Variants in PDZD7 observed in about 807,000 individuals in gnomAD.
PDZD7 encodes PDZ domain containing 7.
In PDZD7, 72 loss-of-function variants were observed where a neutral mutation model predicts 84.7. The observed-to-expected ratio is 0.85, with a 90% CI of 0.70 to 1.03. PDZD7 has a LOEUF of 1.03. Ranked by LOEUF, PDZD7 falls within the 50% of genes least tolerant of loss-of-function variation. PDZD7 has a pLI of 0.00. For synonymous variants in PDZD7, 594 were observed against 580.7 expected (o/e 1.02, Z -0.33); for missense variants, 1,490 against 1,412.9 (o/e 1.05, Z -0.87).
intron 6 of PDZD7, among the ~76,000 whole-genome samples, chr10:101,021,064 C>T (rs142259156): frequency 1.3e-5 from 2 of 152,186 alleles, no homozygotes; most frequent in African/African-American, 4.8e-5. Context: ...GTGGCCGGCA[C>T]ATAGTGGGTG....
intron 4 of PDZD7, among the ~76,000 whole-genome samples, chr10:101,022,640 T>C (rs1324087956): frequency 6.6e-6 from 1 of 151,564 alleles, no homozygotes; most frequent in East Asian, 1.9e-4. Flanking sequence ...TGTCCACCCA[T>C]GCTGGAGTGC....
In PDZD7 at chr10:101,023,575, C is replaced by G. The variant is rs146955595; in HGVS notation, c.403G>C (p.Glu135Gln). The G allele has an allele frequency of 6.2e-7, 1 of 1,613,698 alleles. No individual in the cohort carries two copies. The highest frequency in any genetic ancestry group is 1.3e-5 in the African/African-American group (1 of 75,064). Residue 135 changes from glutamate to glutamine, a missense_variant, in exon 4 of 17, where the codon GAG (glutamate) becomes CAG (glutamine). Glu to Gln is a conservative substitution (Grantham distance 29, BLOSUM62 2). Coordinates refer to ENST00000619208, the MANE Select transcript of PDZD7 (RefSeq NM_001195263.2). ...CTCTCCAGGCTCAGCCCATTCACCT[C>G]CGTGATCTTGTCCCCCACGCACAGG... ...AGLCVGDKIT[E>Q]VNGLSLESTT... is the part of the protein sequence containing the mutation.
chr10:101,019,577 CTCCTCCTCCTCT>C (rs1397189982), intron 7 of PDZD7, among the ~76,000 whole-genome samples: 11 of 112,662 alleles, frequency 9.8e-5, no homozygotes, highest in African/African-American at 4.9e-4. Context: ...CCTCCTCCTC[CTCCTCCTCCTCT>C]TCTTCTTCTT....
chr10:101,009,444 G>T (rs898296563), intron 15 of PDZD7, 94 bp from the exon 16 acceptor site: 6 of 968,778 alleles, frequency 6.2e-6, no homozygotes, highest in Non-Finnish European at 9.5e-6. Flanking sequence ...CAAATCCAAG[G>T]CCCCAACTTC....
In PDZD7 at chr10:101,010,307, T is replaced by C; in HGVS notation, c.2582A>G (p.Lys861Arg). 6.5e-7 allele frequency: 1 copy of C among 1,535,408 alleles called. No individual in the cohort carries two copies. Among genetic ancestry groups the C allele is most frequent in the Non-Finnish European group, 8.7e-7 (1 of 1,146,150 alleles). ...CTTCATCTTGGACAGTGTCACTGTC[T>C]TCAGCTCGCCACTGGGGTTCTTCAT... Reference protein sequence around the residue: ...AAMKNPSGELKTVTLSKMKQS... With the variant: ...AAMKNPSGELRTVTLSKMKQS... Residue 861 changes from lysine (K) to arginine (R), a missense_variant, in exon 15 of 17, where the codon AAG becomes AGG. Coordinates refer to ENST00000619208, the MANE Select transcript of PDZD7 (RefSeq NM_001195263.2).
Position 101,018,435 on chromosome 10 carries a change from G to C in PDZD7, c.1325-139C>G, listed in dbSNP as rs189669997. On this transcript the variant is annotated intron_variant, in intron 8 of 16. Coordinates refer to ENST00000619208, the MANE Select transcript of PDZD7 (RefSeq NM_001195263.2). ...TGCAGCTACGCCGGGGTGAGAGTGCGGTTCCTCTTCCGACTTTCTGACCCT... is the reference window on the plus strand; with the variant it reads ...TGCAGCTACGCCGGGGTGAGAGTGCCGTTCCTCTTCCGACTTTCTGACCCT... 5.4e-6 allele frequency: 5 copies of C among 927,602 alleles called. No homozygotes were observed. In the East Asian group the frequency reaches 1.3e-4, roughly 24 times the overall value. 57.5% of individuals were successfully genotyped at this position (927,602 alleles called of 1,614,324 possible).
intron 10 of PDZD7, 128 bp from the exon 11 acceptor site, chr10:101,015,939 A>C: frequency 1.9e-6 from 2 of 1,044,984 alleles, no homozygotes; most frequent in Non-Finnish European, 2.7e-6. Context: ...GCTCCCCACC[A>C]TGGTAGCCCA....
At chr10:101,016,563 T>C in intron 9 of PDZD7, 136 bp from the exon 10 acceptor site, 1 of 871,580 alleles carries the variant, frequency 1.1e-6, no homozygotes, top group Admixed American at 2.4e-5. Flanking sequence ...GGCCTGGCCC[T>C]GAGGGGCTTG....
rs2133998638 is a variant in PDZD7, at chr10:101,010,538, C to CTGCGGA, written c.2350_2351insTCCGCA (p.Arg783_Ser784insIleArg). 6.6e-7 allele frequency: 1 copy of CTGCGGA among 1,521,062 alleles called. No individual in the cohort carries two copies. The highest frequency in any genetic ancestry group is 8.8e-7 in the Non-Finnish European group (1 of 1,134,834). 94.2% of individuals were successfully genotyped at this position (1,521,062 alleles called of 1,614,324 possible). On this transcript the variant is annotated inframe_insertion, in exon 15 of 17. Transcript: ENST00000619208. ...TGGAGACTTGCCTTGACCCCGGCTG[C>CTGCGGA]TGCGGCTGCGGCTGCGGCTACGGCT...
chr10:101,028,309 C>A (rs1937838624), intron 2 of PDZD7, among the ~76,000 whole-genome samples: 1 of 152,148 alleles, frequency 6.6e-6, no homozygotes, highest in African/African-American at 2.4e-5. Context: ...CAGTATAGGC[C>A]AGGCATGGTG....
chr10:101,012,022 A>G lies in PDZD7; in HGVS notation c.1842-6T>C. 6.5e-7 allele frequency: 1 copy of G among 1,548,670 alleles called. No homozygotes were observed. Among genetic ancestry groups the G allele is most frequent in the East Asian group, 2.4e-5 (1 of 40,878 alleles). ...CTGTGGGGGCCACCACACTCCTGGG[A>G]GAGGGCGAGAGACAGCAGGGGTGGG... On this transcript the variant is annotated splice_polypyrimidine_tract_variant and splice_region_variant and intron_variant, in intron 12 of 16. Coordinates refer to ENST00000619208, the MANE Select transcript of PDZD7 (RefSeq NM_001195263.2).
chr10:101,014,018 T>C (rs1335043875), intron 11 of PDZD7, among the ~76,000 whole-genome samples: 1 of 143,894 alleles, frequency 6.9e-6, no homozygotes, highest in African/African-American at 2.7e-5. Context: ...CCCAGCTATT[T>C]TTTTTTTTTT....
At position 101,008,095 on chromosome 10, in the gene PDZD7, C is replaced by G. The variant is rs1219379042; in HGVS notation, c.*372G>C. Reference sequence around the variant, plus strand: ...GGTTGAGGAATGGATGCATTGACCCCTTCAGGGCCCTGTCTGAGAGTCTGT... The same window carrying G: ...GGTTGAGGAATGGATGCATTGACCCGTTCAGGGCCCTGTCTGAGAGTCTGT... On this transcript the variant is annotated 3_prime_UTR_variant, in exon 17 of 17. Transcript: ENST00000619208. 1 of 288,118 alleles carries G rather than the reference C, an allele frequency of 3.5e-6. No individual in the cohort carries two copies. The allele number at this position is 288,118 out of a possible 1,614,324, so 17.8% of individuals were successfully genotyped here. A position where few individuals can be genotyped will look rare whatever the true frequency, so the allele number is the denominator to read the frequency against.
chr10:101,016,431 TGAA>T lies in PDZD7; in HGVS notation c.1523-7_1523-5del, dbSNP rs1428954066. 2.6e-6 allele frequency: 4 copies of T among 1,550,450 alleles called. No homozygotes were observed. The East Asian group carries it at 9.8e-5, about 38-fold the overall frequency. On this transcript the variant is annotated splice_polypyrimidine_tract_variant and splice_region_variant and intron_variant, in intron 9 of 16. Coordinates refer to ENST00000619208, the MANE Select transcript of PDZD7 (RefSeq NM_001195263.2). Reference sequence around the variant, plus strand: ...TGTACCGGGCCCACGCCCCCTGCTATGAAGAAGAAAGAGGCTCAGCTGCAGGCC... The same window carrying T: ...TGTACCGGGCCCACGCCCCCTGCTATGAAGAAAGAGGCTCAGCTGCAGGCC...
At chr10:101,015,883 G>C in intron 10 of PDZD7, 72 bp from the exon 11 acceptor site, 1 of 1,465,936 alleles carries the variant, frequency 6.8e-7, no homozygotes, top group East Asian at 2.5e-5. Context: ...GAATTGGCCA[G>C]CTGAGAGCCC....
intron 2 of PDZD7, among the ~76,000 whole-genome samples, chr10:101,027,213 A>G (rs1447692952): frequency 4.6e-5 from 7 of 152,084 alleles, no homozygotes; most frequent in Admixed American, 3.9e-4. Flanking sequence ...ACCATGCCCT[A>G]TAAGGCCCTG....
At chr10:101,025,132 C>T (rs764115153) in intron 2 of PDZD7, among the ~76,000 whole-genome samples, 1 of 152,232 alleles carries the variant, frequency 6.6e-6, no homozygotes, top group Non-Finnish European at 1.5e-5. Flanking sequence ...CTTGCTCACA[C>T]AGTGGAATTA....
Position 101,008,865 on chromosome 10 carries a change from G to A in PDZD7, c.2719-15C>T, listed in dbSNP as rs1365872978. ...TCGAAGCCAGCCTAGGGTGGGGTGA[G>A]AGAGTCACATCCCTCCCTCCTCATG... On this transcript the variant is annotated splice_polypyrimidine_tract_variant and intron_variant, in intron 16 of 16. Transcript: ENST00000619208. 2.7e-6 allele frequency: 4 copies of A among 1,475,474 alleles called. No individual in the cohort carries two copies. Among genetic ancestry groups the A allele is most frequent in the Non-Finnish European group, 3.6e-6 (4 of 1,113,884 alleles). 91.4% of individuals were successfully genotyped at this position (1,475,474 alleles called of 1,614,324 possible).
At chr10:101,029,479 A>G (rs562265304) in intron 2 of PDZD7, among the ~76,000 whole-genome samples, 56 of 152,290 alleles carry the variant, frequency 3.7e-4, no homozygotes, top group Non-Finnish European at 6.8e-4. Context: ...TCCTCTTCTG[A>G]ACATTTGCTG....
Sources: allele counts gnomAD v4.1 joint callset (sites outside exome capture counted in the v4.1 genomes callset), GRCh38; gene constraint gnomAD v4.1.1; transcripts MANE v1.5; gene names NCBI Gene and HGNC (gene_info 2026-07-23, HGNC 2026-07-21).